AGAP1: variants seen among roughly 807,000 people sequenced by gnomAD.
The protein encoded by AGAP1 is arf-GAP with GTPase, ANK repeat and PH domain-containing protein 1.
Under a neutral mutation model 105.3 loss-of-function variants are expected in AGAP1, and 29 were observed. The observed-to-expected ratio is 0.28, with a 90% CI of 0.21 to 0.38. AGAP1 has a LOEUF of 0.38. Ranked by LOEUF, AGAP1 falls within the 10% of genes least tolerant of loss-of-function variation. AGAP1 has a pLI of 1.00. For synonymous variants in AGAP1, 509 were observed against 485.9 expected (o/e 1.05, Z -0.63); for missense variants, 998 against 1,165.1 (o/e 0.86, Z 2.09).
chr2:235,953,032 G>A lies in AGAP1; in HGVS notation c.1484-15430G>A, dbSNP rs1218676599. 1.3e-5 allele frequency among the ~76,000 whole-genome samples: 2 copies of A among 152,182 alleles called. No individual in the cohort carries two copies. The highest frequency in any genetic ancestry group is 6.5e-5 in the Admixed American group (1 of 15,282). The stretch of plus-strand genomic sequence containing the variant: ...TTTCAAGTGGCTGGGCCTTCTGTAC[G>A]AGGCACCTGACACCACGATGCTATC... On this transcript the variant is annotated intron_variant, in intron 12 of 17. Transcript: ENST00000304032. The surrounding 1 kb of genome is among the most constrained non-coding windows in gnomAD (Gnocchi z 5.2).
chr2:235,870,179 C>T (rs1371724000), intron 9 of AGAP1, among the ~76,000 whole-genome samples: 1 of 152,192 alleles, frequency 6.6e-6, no homozygotes, highest in African/African-American at 2.4e-5. Context: ...TTATGGCATC[C>T]AGCCCAGGCT....
chr2:236,073,723 T>G lies in AGAP1; in HGVS notation c.2114+24442T>G, dbSNP rs1235633029. The stretch of plus-strand genomic sequence containing the variant: ...TAGATGCCACTTAACCTTTTGTAAC[T>G]TGTAACTTCATTGGTGGTGGGGGTA... On this transcript the variant is annotated intron_variant, in intron 16 of 17. Coordinates refer to ENST00000304032, the MANE Select transcript of AGAP1 (RefSeq NM_001037131.3). This position sits in a 1 kb window ranked among gnomAD's most constrained non-coding sequence, Gnocchi z 5.4. Among the ~76,000 whole-genome samples the G allele has an allele frequency of 6.6e-6, 1 of 152,198 alleles. No homozygotes were observed. Among genetic ancestry groups the G allele is most frequent in the Admixed American group, 6.5e-5 (1 of 15,286 alleles).
In AGAP1 at chr2:235,845,007, TC is replaced by T. The variant is rs1961307304; in HGVS notation, c.1050+37678del. Among the ~76,000 whole-genome samples the T allele has an allele frequency of 6.6e-6, 1 of 152,174 alleles. No homozygotes were observed. The highest frequency in any genetic ancestry group is 6.5e-5 in the Admixed American group (1 of 15,270). ...ATGAGCAGCAATTATAGTTTGCTGT[TC>T]CTTGTCCCCAGGACCTAGTGGGGTC... is the stretch of plus-strand genomic sequence containing the variant. On this transcript the variant is annotated intron_variant, in intron 9 of 17. Transcript: ENST00000304032. This position sits in a 1 kb window ranked among gnomAD's most constrained non-coding sequence, Gnocchi z 4.8.
chr2:235,878,541 G>A (rs769831128), intron 9 of AGAP1, among the ~76,000 whole-genome samples: 10 of 152,226 alleles, frequency 6.6e-5, no homozygotes, highest in South Asian at 2.1e-4. Context: ...TTTGCTAGTC[G>A]GGTTGAGATT....
chr2:235,776,899 G>A, intron 6 of AGAP1: 2 of 470,562 alleles, frequency 4.3e-6, no homozygotes, highest in South Asian at 3.1e-5. Context: ...CAACCTCTCT[G>A]GCTTTTCCGC....
chr2:235,857,230 C>T (rs781088987), intron 9 of AGAP1, among the ~76,000 whole-genome samples: 3 of 152,090 alleles, frequency 2.0e-5, no homozygotes, highest in Admixed American at 1.3e-4. Context: ...CACAGAAGTG[C>T]GAACCCTATT....
chr2:235,630,028 T>C (rs2149286078), intron 1 of AGAP1, among the ~76,000 whole-genome samples: 1 of 152,294 alleles, frequency 6.6e-6, no homozygotes, highest in South Asian at 2.1e-4. Flanking sequence ...ACAAAATGTC[T>C]GATTACATTT....
intron 1 of AGAP1, among the ~76,000 whole-genome samples, chr2:235,703,480 T>C (rs1002299201): frequency 6.6e-6 from 1 of 152,132 alleles, no homozygotes; most frequent in Non-Finnish European, 1.5e-5. Context: ...CCAGGCATCC[T>C]GCCACCTCCT....
In AGAP1 at chr2:235,875,589, T is replaced by TC. The variant is rs1227932951; in HGVS notation, c.1051-7754dup. Among the ~76,000 whole-genome samples the TC allele has an allele frequency of 6.6e-6, 1 of 152,192 alleles. No homozygotes were observed. Among genetic ancestry groups the TC allele is most frequent in the Non-Finnish European group, 1.5e-5 (1 of 68,040 alleles). On this transcript the variant is annotated intron_variant, in intron 9 of 17. Transcript: ENST00000304032. This position sits in a 1 kb window ranked among gnomAD's most constrained non-coding sequence, Gnocchi z 4.0. ...TGATTCCCAGCACGTTTCCTGAGGT[T>TC]CCGCCTGCAGCCCGGGCCTGTGGTG...
chr2:235,577,130 G>A lies in AGAP1; in HGVS notation c.163+82281G>A, dbSNP rs186336215. Among the ~76,000 whole-genome samples the A allele has an allele frequency of 6.1e-4, 93 of 152,200 alleles. No individual in the cohort carries two copies. Among genetic ancestry groups the A allele is most frequent in the Non-Finnish European group, 1.1e-3 (72 of 68,000 alleles). ...TGGAAGTAGAATGCCAGCCACATAC[G>A]TCATTTAAAGTTTTCTACTAGCTAC... On this transcript the variant is annotated intron_variant, in intron 1 of 17. Transcript: ENST00000304032. This position sits in a 1 kb window ranked among gnomAD's most constrained non-coding sequence, Gnocchi z 4.5.
intron 1 of AGAP1, among the ~76,000 whole-genome samples, chr2:235,654,665 TC>T (rs1947716245): frequency 6.6e-6 from 1 of 152,042 alleles, no homozygotes; most frequent in Non-Finnish European, 1.5e-5. Context: ...TAGTCAGTGG[TC>T]CCCCCGGCCA....
intron 1 of AGAP1, among the ~76,000 whole-genome samples, chr2:235,604,676 A>ATGG (rs1363724808): frequency 0.025 from 3,288 of 129,984 alleles, 122 homozygotes; most frequent in African/African-American, 0.092. Flanking sequence ...TCCACCTCCC[A>ATGG]GGTTCACGCC....
At chr2:236,112,734 C>T (rs1182698340) in intron 16 of AGAP1, among the ~76,000 whole-genome samples, 2 of 152,232 alleles carry the variant, frequency 1.3e-5, no homozygotes, top group Non-Finnish European at 2.9e-5. Flanking sequence ...AACGCTCTCC[C>T]GCTCTCTCAG....
chr2:235,928,805 A>C (rs2052577217), intron 11 of AGAP1, among the ~76,000 whole-genome samples: 1 of 152,176 alleles, frequency 6.6e-6, no homozygotes, highest in African/African-American at 2.4e-5. Context: ...GCACGTGGAA[A>C]ATACAGGGAG....
intron 10 of AGAP1, among the ~76,000 whole-genome samples, chr2:235,902,585 G>T (rs2051119108): frequency 6.6e-6 from 1 of 152,174 alleles, no homozygotes; most frequent in Non-Finnish European, 1.5e-5. Flanking sequence ...TGTCAGAAAA[G>T]TTGCTAAGTC....
rs1320734840 is a variant in AGAP1 at position 235,719,724 on chromosome 2, C to G, written c.310+2080C>G. Among the ~76,000 whole-genome samples the G allele has an allele frequency of 6.6e-6, 1 of 152,156 alleles. No individual in the cohort carries two copies. Among genetic ancestry groups the G allele is most frequent in the Non-Finnish European group, 1.5e-5 (1 of 68,024 alleles). ...CAGGGGAAAGATCATGATCCCTGAC[C>G]TTTTCTCATGCCCTGCAGCAGCCCT... On this transcript the variant is annotated intron_variant, in intron 3 of 17. Transcript: ENST00000304032. The surrounding 1 kb of genome is among the most constrained non-coding windows in gnomAD (Gnocchi z 4.9).
chr2:235,935,417 A>AT (rs1365747032), intron 12 of AGAP1, among the ~76,000 whole-genome samples: 1 of 152,138 alleles, frequency 6.6e-6, no homozygotes, highest in Non-Finnish European at 1.5e-5. Context: ...ATTTTTTTAC[A>AT]TTTTTTCCCA....
intron 12 of AGAP1, among the ~76,000 whole-genome samples, chr2:235,948,264 ACT>A (rs2053583524): frequency 6.6e-6 from 1 of 151,986 alleles, no homozygotes; most frequent in African/African-American, 2.4e-5. Flanking sequence ...CTCACTGCAG[ACT>A]CTGCCTCCTG....
At position 235,728,320 on chromosome 2, in the gene AGAP1, T is replaced by C. The variant is rs544808595; in HGVS notation, c.310+10676T>C. Among the ~76,000 whole-genome samples the C allele has an allele frequency of 4.6e-5, 7 of 151,834 alleles. No individual in the cohort carries two copies. Among genetic ancestry groups the C allele is most frequent in the Admixed American group, 1.3e-4 (2 of 15,254 alleles). On this transcript the variant is annotated intron_variant, in intron 3 of 17. Transcript: ENST00000304032. This position sits in a 1 kb window ranked among gnomAD's most constrained non-coding sequence, Gnocchi z 4.3. Reference sequence around the variant, plus strand: ...CAGACTCTGTGTGTGTGTGTGTGTGTGTGTGTGCGTGCTCTTAAATCAATG... The same window carrying C: ...CAGACTCTGTGTGTGTGTGTGTGTGCGTGTGTGCGTGCTCTTAAATCAATG...
Sources: gnomAD v4.1 joint callset for allele counts (sites outside exome capture counted in the v4.1 genomes callset) on GRCh38, gnomAD v4.1.1 for gene constraint, Gnocchi (gnomAD v3.1) non-coding constraint, MANE v1.5 for transcripts, NCBI Gene and HGNC (gene_info 2026-07-23, HGNC 2026-07-21) for gene names.